EYS: variants seen among roughly 807,000 people sequenced by gnomAD.
EYS encodes the protein EGF-like photoreceptor maintenance factor.
EYS carries 250 observed loss-of-function variants against 282.1 expected under a neutral mutation model. The ratio of observed to expected loss-of-function variants is 0.89; its 90% CI spans 0.80 to 0.98. EYS has a LOEUF of 0.98. EYS is among the 50% of genes least tolerant of loss of function. The pLI is 0.00. For synonymous variants in EYS, 1,355 were observed against 1,282.9 expected (o/e 1.06, Z -1.20); for missense variants, 4,016 against 3,709.0 (o/e 1.08, Z -2.15).
chr6:63,892,623 A>C (rs1196990769), intron 35 of EYS, among the ~76,000 whole-genome samples: 4 of 152,210 alleles, frequency 2.6e-5, no homozygotes, highest in Non-Finnish European at 5.9e-5. Context: ...AAACCATGAA[A>C]ACCCTAGAAG....
intron 41 of EYS, among the ~76,000 whole-genome samples, chr6:63,743,704 AT>A (rs1005092733): frequency 2.4e-4 from 37 of 152,244 alleles, no homozygotes; most frequent in African/African-American, 8.7e-4. Flanking sequence ...GGAGACTACA[AT>A]TAAAGATACT....
intron 30 of EYS, among the ~76,000 whole-genome samples, chr6:64,297,233 C>A (rs1401120375): frequency 1.3e-5 from 1 of 78,776 alleles, no homozygotes; most frequent in Non-Finnish European, 3.0e-5. Context: ...CATTGTCACA[C>A]TTCCCCCCCA....
intron 2 of EYS, among the ~76,000 whole-genome samples, chr6:65,604,416 C>T (rs192029042): frequency 5.3e-5 from 8 of 151,782 alleles, no homozygotes; most frequent in East Asian, 3.9e-4. Flanking sequence ...CGATTAATTA[C>T]GTTTAAAAAT....
intron 2 of EYS, among the ~76,000 whole-genome samples, chr6:65,584,960 TA>T (rs1764994929): frequency 6.6e-6 from 1 of 151,342 alleles, no homozygotes; most frequent in Admixed American, 6.6e-5. Context: ...ATAATTTCAA[TA>T]AAAGTACAAT....
intron 29 of EYS, among the ~76,000 whole-genome samples, chr6:64,342,686 T>C (rs1362078170): frequency 6.6e-6 from 1 of 152,016 alleles, no homozygotes; most frequent in Admixed American, 6.6e-5. Context: ...GCTAACATCA[T>C]AATGACAGGA....
chr6:64,817,628 A>G (rs140778405), intron 21 of EYS, among the ~76,000 whole-genome samples: 16 of 152,214 alleles, frequency 1.1e-4, no homozygotes, highest in South Asian at 2.1e-4. Flanking sequence ...TCTAGTCCAC[A>G]GTGCCTATTA....
At chr6:64,288,350 C>T (rs1267274714) in intron 30 of EYS, among the ~76,000 whole-genome samples, 1 of 152,042 alleles carries the variant, frequency 6.6e-6, no homozygotes, top group Non-Finnish European at 1.5e-5. Flanking sequence ...TGCTTATTCC[C>T]ACAAAAGTTC....
At position 64,014,742 on chromosome 6, in the gene EYS, T is replaced by TA. The variant is rs539233910; in HGVS notation, c.6726-15560dup. Reference sequence around the variant, plus strand: ...TTTCTCTACCAGCTAGCACACAGTCTAAATATCCTTTGGCTTGGCTTATTT... The same window carrying TA: ...TTTCTCTACCAGCTAGCACACAGTCTAAAATATCCTTTGGCTTGGCTTATTT... On this transcript the variant is annotated intron_variant, in intron 33 of 42. Transcript: ENST00000503581. Among the ~76,000 whole-genome samples, 9 of 152,078 alleles carry TA rather than the reference T, an allele frequency of 5.9e-5. No individual in the cohort carries two copies. The South Asian group carries it at 1.9e-3, about 32-fold the overall frequency.
intron 12 of EYS, among the ~76,000 whole-genome samples, chr6:65,139,215 A>G (rs1310261059): frequency 6.6e-6 from 1 of 152,164 alleles, no homozygotes; most frequent in Non-Finnish European, 1.5e-5. Context: ...GATAAAGAAA[A>G]TGTGGTACAC....
chr6:65,594,107 G>T (rs941335907), intron 2 of EYS, among the ~76,000 whole-genome samples: 1 of 151,786 alleles, frequency 6.6e-6, no homozygotes, highest in African/African-American at 2.4e-5. Context: ...CAAGTGTTAG[G>T]TTATTGCTTA....
At chr6:63,954,165 C>A (rs971180061) in intron 35 of EYS, among the ~76,000 whole-genome samples, 3 of 152,300 alleles carry the variant, frequency 2.0e-5, no homozygotes. Flanking sequence ...TATCTCTGAT[C>A]CACCTGACAT....
At chr6:64,720,035 G>A (rs776725337) in intron 22 of EYS, among the ~76,000 whole-genome samples, 1 of 152,176 alleles carries the variant, frequency 6.6e-6, no homozygotes, top group Non-Finnish European at 1.5e-5. Context: ...CAATACAAAT[G>A]TATTGTCTCC....
intron 30 of EYS, among the ~76,000 whole-genome samples, chr6:64,231,611 C>T (rs1339603400): frequency 6.6e-6 from 1 of 152,068 alleles, no homozygotes. Flanking sequence ...GTGCTAAGCC[C>T]ACGCCTGCAT....
chr6:64,793,352 C>G (rs1028964739), intron 22 of EYS, among the ~76,000 whole-genome samples: 2 of 151,950 alleles, frequency 1.3e-5, no homozygotes, highest in Non-Finnish European at 2.9e-5. Flanking sequence ...TAAAGTCTCA[C>G]AAAATTTTAA....
At chr6:65,705,486 G>GT (rs1202158451) in intron 1 of EYS, among the ~76,000 whole-genome samples, 3 of 152,068 alleles carry the variant, frequency 2.0e-5, no homozygotes, top group African/African-American at 7.2e-5. Flanking sequence ...GTTTTGTTTT[G>GT]TTTTTTAACG....
At chr6:64,970,598 G>A (rs900999955) in intron 14 of EYS, among the ~76,000 whole-genome samples, 1 of 152,136 alleles carries the variant, frequency 6.6e-6, no homozygotes, top group African/African-American at 2.4e-5. Context: ...ATCTCCAAGT[G>A]AGCAGTTATC....
chr6:64,138,882 T>C (rs1774249098), intron 31 of EYS, among the ~76,000 whole-genome samples: 1 of 152,204 alleles, frequency 6.6e-6, no homozygotes, highest in Non-Finnish European at 1.5e-5. Context: ...TAGACTTTTA[T>C]GCCTAGTGTT....
chr6:63,924,962 C>T (rs749400554), intron 35 of EYS, among the ~76,000 whole-genome samples: 2 of 152,144 alleles, frequency 1.3e-5, no homozygotes, highest in Non-Finnish European at 2.9e-5. Context: ...CACCACTACC[C>T]GCAACATTGA....
At chr6:64,042,525 C>T (rs994351290) in intron 33 of EYS, among the ~76,000 whole-genome samples, 2 of 152,120 alleles carry the variant, frequency 1.3e-5, no homozygotes, top group South Asian at 2.1e-4. Context: ...CGGAAGACTG[C>T]GAACAACAGA....
Sources: gnomAD v4.1 joint callset for allele counts (sites outside exome capture counted in the v4.1 genomes callset) on GRCh38, gnomAD v4.1.1 for gene constraint, MANE v1.5 for transcripts, NCBI Gene and HGNC (gene_info 2026-07-23, HGNC 2026-07-21) for gene names.